ROBO1: variants seen among roughly 807,000 people sequenced by gnomAD.
The protein encoded by ROBO1 is roundabout guidance receptor 1, also known as roundabout homolog 1.
In ROBO1, 149 loss-of-function variants were observed where a neutral mutation model predicts 195.9. The ratio of observed to expected loss-of-function variants is 0.76; its 90% CI spans 0.67 to 0.87. The LOEUF is 0.87. Ranked by LOEUF, ROBO1 falls within the 40% of genes least tolerant of loss-of-function variation. The pLI, the probability that ROBO1 is intolerant of heterozygous loss-of-function variation, is 0.00. For missense variants in ROBO1, 1,933 were observed against 2,068.3 expected, an observed-to-expected ratio of 0.93 and a Z score of 1.27; for synonymous variants, 816 against 733.2, an observed-to-expected ratio of 1.11 and a Z score of -1.82.
intron 11 of ROBO1, among the ~76,000 whole-genome samples, chr3:78,669,398 C>T (rs1707926861): frequency 6.6e-6 from 1 of 152,164 alleles, no homozygotes; most frequent in Admixed American, 6.6e-5. Context: ...AAAGGAACCA[C>T]CCACACTAGG....
At chr3:78,651,397 CAAG>C (rs1706651694) in intron 19 of ROBO1, among the ~76,000 whole-genome samples, 1 of 152,052 alleles carries the variant, frequency 6.6e-6, no homozygotes, top group Non-Finnish European at 1.5e-5. Flanking sequence ...ATTCCAATAA[CAAG>C]AACATTAAAA....
chr3:78,874,793 A>G (rs540993914), intron 4 of ROBO1, among the ~76,000 whole-genome samples: 20 of 152,040 alleles, frequency 1.3e-4, no homozygotes, highest in Admixed American at 5.9e-4. Context: ...ATAAACCACA[A>G]TAGTTGTCTC....
At chr3:78,687,843 C>T (rs1048187190) in intron 9 of ROBO1, among the ~76,000 whole-genome samples, 1 of 152,034 alleles carries the variant, frequency 6.6e-6, no homozygotes, top group African/African-American at 2.4e-5. Flanking sequence ...GTTGCCCAGG[C>T]TAGTCTCAAA....
intron 2 of ROBO1, among the ~76,000 whole-genome samples, chr3:79,500,996 C>T (rs1220203235): frequency 6.6e-6 from 1 of 152,082 alleles, no homozygotes; most frequent in Middle Eastern, 3.2e-3. Context: ...TCAGATGAGC[C>T]TTCCACACCC....
At chr3:78,780,119 T>A (rs1443793814) in intron 4 of ROBO1, among the ~76,000 whole-genome samples, 4 of 151,942 alleles carry the variant, frequency 2.6e-5, no homozygotes, top group Non-Finnish European at 4.4e-5. Context: ...GTTGGGGGCT[T>A]AGAAGAGGGA....
At chr3:79,758,869 G>T (rs899263768) in intron 1 of ROBO1, among the ~76,000 whole-genome samples, 2 of 151,978 alleles carry the variant, frequency 1.3e-5, no homozygotes, top group Non-Finnish European at 2.9e-5. Context: ...ATGAATAAAA[G>T]CACACAATAA....
At chr3:78,949,502 A>C (rs2040651887) in intron 3 of ROBO1, among the ~76,000 whole-genome samples, 1 of 152,178 alleles carries the variant, frequency 6.6e-6, no homozygotes, top group Admixed American at 6.5e-5. Context: ...TCTTATACAA[A>C]AATTAATTCC....
intron 5 of ROBO1, among the ~76,000 whole-genome samples, chr3:78,736,931 T>A (rs2082405858): frequency 6.6e-6 from 1 of 152,174 alleles, no homozygotes; most frequent in Admixed American, 6.6e-5. Context: ...GTACTTTGCA[T>A]CTGAATCACA....
At chr3:78,709,337 AATATACCAATATTGGTATACCAT>A (rs1415558324) in intron 8 of ROBO1, among the ~76,000 whole-genome samples, 1 of 152,128 alleles carries the variant, frequency 6.6e-6, no homozygotes, top group Non-Finnish European at 1.5e-5. Context: ...TAGTTTCAAT[AATATACCAATATTGGTATACCAT>A]GTATACCAAT....
At chr3:79,577,238 G>T (rs537893008) in intron 2 of ROBO1, among the ~76,000 whole-genome samples, 53 of 152,236 alleles carry the variant, frequency 3.5e-4, no homozygotes, top group African/African-American at 1.1e-3. Flanking sequence ...GGCTACAAAA[G>T]ATATTCTTTT....
chr3:78,603,620 C>T (rs2107256610), intron 29 of ROBO1, among the ~76,000 whole-genome samples: 1 of 152,122 alleles, frequency 6.6e-6, no homozygotes, highest in Non-Finnish European at 1.5e-5. Flanking sequence ...AATTCAAGTC[C>T]AAAAGACCAC....
At chr3:79,442,087 T>C (rs546744242) in intron 2 of ROBO1, among the ~76,000 whole-genome samples, 1 of 152,328 alleles carries the variant, frequency 6.6e-6, no homozygotes, top group Admixed American at 6.5e-5. Flanking sequence ...TATTTTTTTA[T>C]TTTGCCCAGA....
intron 2 of ROBO1, among the ~76,000 whole-genome samples, chr3:79,288,075 T>A (rs2032002444): frequency 6.6e-6 from 1 of 152,122 alleles, no homozygotes; most frequent in Non-Finnish European, 1.5e-5. Context: ...ATAACCAAAT[T>A]TATTTTTAAG....
chr3:78,679,149 T>G (rs1192009893), intron 10 of ROBO1, among the ~76,000 whole-genome samples: 1 of 152,126 alleles, frequency 6.6e-6, no homozygotes, highest in Non-Finnish European at 1.5e-5. Flanking sequence ...AAACTCTCAA[T>G]AAATTAGGTA....
At chr3:79,669,434 A>G (rs1348594901) in intron 1 of ROBO1, among the ~76,000 whole-genome samples, 1 of 151,922 alleles carries the variant, frequency 6.6e-6, no homozygotes, top group Non-Finnish European at 1.5e-5. Flanking sequence ...ACACAATCGT[A>G]ATGCAACACA....
intron 2 of ROBO1, among the ~76,000 whole-genome samples, chr3:79,370,290 G>A (rs1206706984): frequency 2.0e-5 from 3 of 151,916 alleles, no homozygotes; most frequent in South Asian, 2.1e-4. Context: ...CCTGGGAGGC[G>A]GAGGTTGCAG....
chr3:79,108,383 T>C (rs1262282642), intron 3 of ROBO1, among the ~76,000 whole-genome samples: 2 of 151,784 alleles, frequency 1.3e-5, no homozygotes, highest in Admixed American at 1.3e-4. Flanking sequence ...AAAAAACTAA[T>C]GTCCATTCAA....
At chr3:79,089,202 G>A (rs1262666441) in intron 3 of ROBO1, among the ~76,000 whole-genome samples, 1 of 151,970 alleles carries the variant, frequency 6.6e-6, no homozygotes, top group African/African-American at 2.4e-5. Context: ...ATATACCTCA[G>A]GTTATTCATA....
At chr3:79,607,871 G>T (rs1283454038) in intron 1 of ROBO1, among the ~76,000 whole-genome samples, 2 of 151,888 alleles carry the variant, frequency 1.3e-5, no homozygotes, top group South Asian at 2.1e-4. Flanking sequence ...CAGCCCTAAG[G>T]CATGTTTGCC....
Sources: gnomAD v4.1 joint callset for allele counts (sites outside exome capture counted in the v4.1 genomes callset) on GRCh38, gnomAD v4.1.1 for gene constraint, MANE v1.5 for transcripts, NCBI Gene and HGNC (gene_info 2026-07-23, HGNC 2026-07-21) for gene names.